Variants in CCR3 observed in about 807,000 individuals in gnomAD.
CCR3 encodes C-C chemokine receptor type 3.
For synonymous variants in CCR3, 203 were observed against 179.2 expected (o/e 1.13, Z -1.06); for missense variants, 419 against 437.5 (o/e 0.96, Z 0.38).
At chr3:46,211,399 T>TA (rs1559522130) in intron 2 of CCR3, among the ~76,000 whole-genome samples, 2,818 of 126,368 alleles carry the variant, frequency 0.022, 98 homozygotes, top group African/African-American at 0.073. Context: ...ATATATATAT[T>TA]TTTTGTAGAA....
At chr3:46,216,561 G>C (rs1699777899) in intron 2 of CCR3, among the ~76,000 whole-genome samples, 1 of 152,110 alleles carries the variant, frequency 6.6e-6, no homozygotes. Context: ...CTAAAGTCAA[G>C]ATGAAGGAAA....
Position 46,253,116 on chromosome 3 carries a change from C to G in CCR3, c.-12+10578C>G, listed in dbSNP as rs527895466. Among the ~76,000 whole-genome samples the G allele has an allele frequency of 4.6e-5, 7 of 152,224 alleles. No homozygotes were observed. In the East Asian group the frequency reaches 1.4e-3, roughly 29 times the overall value. Reference sequence around the variant, plus strand: ...AGAGCTCCCCAGTGACTCCCACATGCAGCCAGGACTGAGAAATGCTGCTCT... The same window carrying G: ...AGAGCTCCCCAGTGACTCCCACATGGAGCCAGGACTGAGAAATGCTGCTCT... On this transcript the variant is annotated intron_variant, in intron 1 of 1. Transcript: ENST00000395940.
intron 2 of CCR3, among the ~76,000 whole-genome samples, chr3:46,211,974 C>G (rs1005159703): frequency 6.6e-5 from 10 of 152,128 alleles, no homozygotes; most frequent in African/African-American, 1.9e-4. Context: ...TTTGATACCC[C>G]CTCCTGTGTC....
intron 2 of CCR3, among the ~76,000 whole-genome samples, chr3:46,217,052 T>C (rs1048346618): frequency 2.0e-5 from 3 of 152,038 alleles, no homozygotes; most frequent in African/African-American, 7.2e-5. Context: ...TTAAAAGAAA[T>C]AGAATGACAG....
intron 2 of CCR3, among the ~76,000 whole-genome samples, chr3:46,215,543 G>T (rs965400322): frequency 1.3e-5 from 2 of 152,196 alleles, no homozygotes; most frequent in African/African-American, 2.4e-5. Flanking sequence ...CCCACCACAG[G>T]TTTACTGGGT....
intron 1 of CCR3, among the ~76,000 whole-genome samples, chr3:46,252,108 C>T (rs1040513595): frequency 1.3e-5 from 2 of 149,726 alleles, no homozygotes; most frequent in African/African-American, 4.9e-5. Flanking sequence ...ATGAAAAGTT[C>T]AGTTTCTCAA....
rs777668503 is a variant in CCR3 at position 46,266,095 on chromosome 3, C to A, written c.937C>A (p.Arg313Ser). Residue 313 changes from arginine to serine, a missense_variant, in exon 2 of 2, where the codon CGC becomes AGC. By Grantham distance (110) the Arg-to-Ser change is moderately radical. Coordinates refer to ENST00000395940, the MANE Select transcript of CCR3 (RefSeq NM_178329.3). The stretch of plus-strand genomic sequence containing the variant: ...TGGAGAGAGGTTCCGGAAGTACCTG[C>A]GCCACTTCTTCCACAGGCACTTGCT... ...FVGERFRKYL[R>S]HFFHRHLLMH... The A allele has an allele frequency of 5.0e-6, 8 of 1,613,868 alleles. No individual in the cohort carries two copies. The highest frequency in any genetic ancestry group is 2.2e-5 in the East Asian group (1 of 44,854).
chr3:46,248,664 T>A (rs1326954064), intron 1 of CCR3, among the ~76,000 whole-genome samples: 2 of 152,114 alleles, frequency 1.3e-5, no homozygotes, highest in Admixed American at 6.6e-5. Flanking sequence ...ATGGGGGCTG[T>A]CTGTGAAACC....
chr3:46,235,964 G>T (rs1301759529), intron 2 of CCR3, among the ~76,000 whole-genome samples: 1 of 152,116 alleles, frequency 6.6e-6, no homozygotes, highest in African/African-American at 2.4e-5. Flanking sequence ...TCCCTGGACT[G>T]GTTTGTTAAC....
At chr3:46,241,610 T>C (rs1700086585), upstream of CCR3, among the ~76,000 whole-genome samples, 2 of 152,208 alleles carry the variant, frequency 1.3e-5, no homozygotes. Flanking sequence ...ATGACTTAAA[T>C]ATCATTATTT....
rs547187858 is a variant in CCR3 at position 46,216,053 on chromosome 3, T to G, written c.-68+5146T>G. ...GCCTATTGCTGATGGGAGGGGAAAT[T>G]GGGTCCCACTCCATGGAGGACTGTT... On this transcript the variant is annotated intron_variant, in intron 2 of 3. Transcript: ENST00000357422. Among the ~76,000 whole-genome samples the G allele has an allele frequency of 1.1e-3, 173 of 152,254 alleles. No homozygotes were observed. The Middle Eastern group carries it at 0.017, about 15-fold the overall frequency.
Position 46,266,242 on chromosome 3 carries a change from T to C in CCR3, c.*16T>C. 6.4e-7 allele frequency: 1 copy of C among 1,554,706 alleles called. No homozygotes were observed. Among genetic ancestry groups the C allele is most frequent in the Non-Finnish European group, 8.8e-7 (1 of 1,131,988 alleles). ...TGTGTTTTAGGTCAGATGCAGAAAATTGCCTAAAGAGGAAGGACCAAGGAG... is the reference window on the plus strand; with the variant it reads ...TGTGTTTTAGGTCAGATGCAGAAAACTGCCTAAAGAGGAAGGACCAAGGAG... On this transcript the variant is annotated 3_prime_UTR_variant, in exon 2 of 2. Coordinates refer to ENST00000395940, the MANE Select transcript of CCR3 (RefSeq NM_178329.3).
intron 1 of CCR3, chr3:46,264,252 G>A (rs1452905341): frequency 5.9e-6 from 4 of 673,028 alleles, no homozygotes; most frequent in African/African-American, 1.8e-5. Flanking sequence ...CATGTTACCA[G>A]GCCTAACTCA....
intron 2 of CCR3, among the ~76,000 whole-genome samples, chr3:46,223,306 C>T (rs1377614613): frequency 6.6e-6 from 1 of 152,212 alleles, no homozygotes; most frequent in Non-Finnish European, 1.5e-5. Context: ...TGCCACTGCA[C>T]TCCAGCCTGG....
At chr3:46,226,595 A>G (rs1191035741) in intron 2 of CCR3, among the ~76,000 whole-genome samples, 1 of 152,124 alleles carries the variant, frequency 6.6e-6, no homozygotes, top group Non-Finnish European at 1.5e-5. Flanking sequence ...TTCCTAAATA[A>G]TAGGGACAGT....
intron 1 of CCR3, among the ~76,000 whole-genome samples, chr3:46,263,223 TG>T (rs1700559532): frequency 6.6e-6 from 1 of 152,230 alleles, no homozygotes; most frequent in Admixed American, 6.5e-5. Context: ...AAATCACTCT[TG>T]GAGAAAAAGG....
chr3:46,252,343 A>T (rs951402590), intron 1 of CCR3, among the ~76,000 whole-genome samples: 37 of 145,478 alleles, frequency 2.5e-4, no homozygotes, highest in Non-Finnish European at 5.3e-4. Flanking sequence ...TGCCCAGCTA[A>T]TTTTTTTTTT....
chr3:46,265,446 G>A lies in CCR3; in HGVS notation c.288G>A (p.Gly96=). The change falls in exon 2 of 2, where the codon GGG becomes GGA. Residue 96 remains glycine (G), a synonymous_variant. Coordinates refer to ENST00000395940, the MANE Select transcript of CCR3 (RefSeq NM_178329.3). Reference sequence around the variant, plus strand: ...CATTCTGGATCCACTATGTCAGGGGGCATAACTGGGTTTTTGGCCATGGCA... The same window carrying A: ...CATTCTGGATCCACTATGTCAGGGGACATAACTGGGTTTTTGGCCATGGCA... ...TLPFWIHYVR[G]HNWVFGHGMC... 6.2e-7 allele frequency: 1 copy of A among 1,614,150 alleles called. No homozygotes were observed. The highest frequency in any genetic ancestry group is 8.5e-7 in the Non-Finnish European group (1 of 1,180,012).
chr3:46,261,536 G>A (rs1700525759), intron 1 of CCR3, among the ~76,000 whole-genome samples: 1 of 152,212 alleles, frequency 6.6e-6, no homozygotes, highest in Non-Finnish European at 1.5e-5. Context: ...GGGAATGTGA[G>A]AAGAGACACA....
Sources: allele counts gnomAD v4.1 joint callset (sites outside exome capture counted in the v4.1 genomes callset), GRCh38; gene constraint gnomAD v4.1.1; transcripts MANE v1.5; gene names NCBI Gene and HGNC (gene_info 2026-07-23, HGNC 2026-07-21).